Variants in ARHGEF40 observed in about 807,000 individuals in gnomAD.
The protein encoded by ARHGEF40 is Rho guanine nucleotide exchange factor 40.
ARHGEF40 carries 98 observed loss-of-function variants against 165.9 expected under a neutral mutation model. The observed-to-expected ratio is 0.59, with a 90% confidence interval of 0.50 to 0.70. ARHGEF40 has a LOEUF of 0.70. ARHGEF40 is among the 30% of genes least tolerant of loss of function. The pLI, the probability that ARHGEF40 is intolerant of heterozygous loss-of-function variation, is 0.00. For missense variants in ARHGEF40, 1,815 were observed against 1,968.0 expected, an observed-to-expected ratio of 0.92 and a Z score of 1.47; for synonymous variants, 792 against 814.3, an observed-to-expected ratio of 0.97 and a Z score of 0.47.
Position 21,076,870 on chromosome 14 carries a change from C to A in ARHGEF40, c.2014C>A (p.His672Asn). 1 of 1,613,170 alleles carries A rather than the reference C, an allele frequency of 6.2e-7. No homozygotes were observed. Among genetic ancestry groups the A allele is most frequent in the South Asian group, 1.1e-5 (1 of 90,950 alleles). Reference sequence around the variant, plus strand: ...AGGTCACAGGGACCCCTCTCCCAGTCACTGGGTAGAGATACACCAGGTAAG... The same window carrying A: ...AGGTCACAGGGACCCCTCTCCCAGTAACTGGGTAGAGATACACCAGGTAAG... ...LGGHRDPSPS[H>N]WVEIHQEVVR... The change falls in exon 8 of 24, where the codon CAC becomes AAC. Residue 672 changes from histidine (H) to asparagine (N), a missense_variant. Physicochemically the swap from His to Asn is moderately conservative, Grantham distance 68. Coordinates refer to ENST00000298694, the MANE Select transcript of ARHGEF40 (RefSeq NM_018071.5).
At position 21,073,083 on chromosome 14, in the gene ARHGEF40, C is replaced by T. The variant is rs1200596269; in HGVS notation, c.42C>T (p.Leu14=). 10 of 1,613,996 alleles carry T rather than the reference C, an allele frequency of 6.2e-6. No homozygotes were observed. Among genetic ancestry groups the T allele is most frequent in the Admixed American group, 3.3e-5 (2 of 60,010 alleles). The change falls in exon 2 of 24, where the codon CTC becomes CTT. Residue 14 remains leucine, a synonymous_variant. Transcript: ENST00000298694. The surrounding 1 kb of genome is among the most constrained non-coding windows in gnomAD (Gnocchi z 4.6). ...EPVEDCVQST[L]AALYPPFEAT... is the part of the protein sequence containing the mutation. ...TGGAGGACTGTGTGCAGAGCACTCT[C>T]GCCGCCCTGTATCCACCCTTTGAGG...
chr14:21,071,240 T>C (rs971138579), intron 1 of ARHGEF40, among the ~76,000 whole-genome samples: 5 of 151,770 alleles, frequency 3.3e-5, no homozygotes, highest in African/African-American at 1.2e-4. Context: ...CCAACAGGAG[T>C]GAACACTGCC....
Position 21,082,137 on chromosome 14 carries a change from C to A in ARHGEF40, c.3251+18C>A. The A allele has an allele frequency of 6.4e-7, 1 of 1,562,982 alleles. No individual in the cohort carries two copies. On this transcript the variant is annotated intron_variant, in intron 14 of 23. Coordinates refer to ENST00000298694, the MANE Select transcript of ARHGEF40 (RefSeq NM_018071.5). Reference sequence around the variant, plus strand: ...AGCATCAGGTGAGATCCCAGCCCAACTGGTGCTAAGAGGCGGAGCCAACTG... The same window carrying A: ...AGCATCAGGTGAGATCCCAGCCCAAATGGTGCTAAGAGGCGGAGCCAACTG...
At chr14:21,063,331 T>C in the ARHGEF40 span, among the ~76,000 whole-genome samples, 4 of 152,286 alleles carry the variant, frequency 2.6e-5, no homozygotes, top group South Asian at 6.2e-4. Context: ...TACAGATCTT[T>C]TGGGATTCCA....
chr14:21,084,278 C>T (rs1888169358), intron 17 of ARHGEF40, among the ~76,000 whole-genome samples: 1 of 152,190 alleles, frequency 6.6e-6, no homozygotes, highest in South Asian at 2.1e-4. Context: ...GTACATCTGC[C>T]TTGTACTCTC....
rs1887217769 is a variant in ARHGEF40 at position 21,074,337 on chromosome 14, C to G, written c.607C>G (p.Pro203Ala). Residue 203 changes from proline to alanine, a missense_variant, in exon 3 of 24, where the codon CCA becomes GCA. Physicochemically the swap from Pro to Ala is conservative, Grantham distance 27. Transcript: ENST00000298694. The surrounding 1 kb of genome is among the most constrained non-coding windows in gnomAD (Gnocchi z 4.8). Reference protein sequence around the residue: ...MVGHQPSTLPPELPSGPPGLP... With the variant: ...MVGHQPSTLPAELPSGPPGLP... ...TGGACATCAGCCAAGTACACTGCCC[C>G]CAGAACTGCCCTCTGGACCTCCAGG... 2 of 1,614,082 alleles carry G rather than the reference C, an allele frequency of 1.2e-6. No homozygotes were observed. Among genetic ancestry groups the G allele is most frequent in the Non-Finnish European group, 1.7e-6 (2 of 1,180,040 alleles).
At position 21,089,100 on chromosome 14, in the gene ARHGEF40, C is replaced by A; in HGVS notation, c.*92C>A. The A allele has an allele frequency of 2.0e-6, 1 of 494,994 alleles. No homozygotes were observed. 30.7% of individuals were successfully genotyped at this position (494,994 alleles called of 1,614,324 possible). On this transcript the variant is annotated 3_prime_UTR_variant, in exon 24 of 24. Coordinates refer to ENST00000298694, the MANE Select transcript of ARHGEF40 (RefSeq NM_018071.5). ...GGGGCATAATGGAGCCCTGGGCGAT[C>A]GCTGAATTTCTTCCCTCTGCTTCCT...
chr14:21,078,361 C>T lies in ARHGEF40; in HGVS notation c.2131-12C>T. On this transcript the variant is annotated splice_polypyrimidine_tract_variant and intron_variant, in intron 9 of 23. Coordinates refer to ENST00000298694, the MANE Select transcript of ARHGEF40 (RefSeq NM_018071.5). ...GGTGGAACCCCAACTGGCAACTCCTCCCTATCCCCAGGAGGCAGTGGGAAT... is the reference window on the plus strand; with the variant it reads ...GGTGGAACCCCAACTGGCAACTCCTTCCTATCCCCAGGAGGCAGTGGGAAT... 1 of 1,598,916 alleles carries T rather than the reference C, an allele frequency of 6.3e-7. No individual in the cohort carries two copies. The highest frequency in any genetic ancestry group is 8.5e-7 in the Non-Finnish European group (1 of 1,170,802).
In ARHGEF40 at chr14:21,080,225, CACACACACACACACACACACACA is replaced by C. The variant is rs1887775952; in HGVS notation, c.2374-434_2374-412del. 4.3e-4 allele frequency among the ~76,000 whole-genome samples: 60 copies of C among 138,066 alleles called. 1 individual carries two copies. Among genetic ancestry groups the C allele is most frequent in the Admixed American group, 4.2e-3 (59 of 14,126 alleles). 90.6% of individuals were successfully genotyped at this position (138,066 alleles called of 152,430 possible). A position where few individuals can be genotyped will look rare whatever the true frequency, so the allele number is the denominator to read the frequency against. The stretch of plus-strand genomic sequence containing the variant: ...ACACACACACACACACACACACACA[CACACACACACACACACACACACA>C]CCCCTTCTGTACTGTTTCTCCAGGC... On this transcript the variant is annotated intron_variant, in intron 11 of 23. Coordinates refer to ENST00000298694, the MANE Select transcript of ARHGEF40 (RefSeq NM_018071.5).
chr14:21,083,056 G>A (rs977112817), intron 16 of ARHGEF40, 139 bp downstream of exon 16: 18 of 772,164 alleles, frequency 2.3e-5, no homozygotes, highest in Non-Finnish European at 3.8e-5. Flanking sequence ...ATTGCCGAGG[G>A]TGGGACAAGC....
intron 21 of ARHGEF40, 158 bp from the exon 22 acceptor site, chr14:21,087,810 C>G (rs1241605684): frequency 1.0e-6 from 1 of 964,186 alleles, no homozygotes. Flanking sequence ...TGACAATTTC[C>G]TGCCTCTTGG....
chr14:21,082,197 A>G lies in ARHGEF40; in HGVS notation c.3252-47A>G, dbSNP rs140865774. 6.5e-4 allele frequency: 1,024 copies of G among 1,578,658 alleles called. 13 individuals are homozygous for G. In the African/African-American group the frequency reaches 0.012, roughly 19 times the overall value. ...AAAAGAAGATGACATTGTTGGGGGT[A>G]CTGGCTCCCTCCCACACCTCCTCTG... On this transcript the variant is annotated intron_variant, in intron 14 of 23. Transcript: ENST00000298694.
Position 21,072,962 on chromosome 14 carries a change from A to G in ARHGEF40, c.4-83A>G. 7.1e-7 allele frequency: 1 copy of G among 1,408,066 alleles called. No individual in the cohort carries two copies. The highest frequency in any genetic ancestry group is 2.3e-5 in the East Asian group (1 of 43,374). 87.2% of individuals were successfully genotyped at this position (1,408,066 alleles called of 1,614,324 possible). ...GTACAATCGGGGCTTTGGAGAACAC[A>G]GCCAACCCCAGACCAGTGCAGCTCC... On this transcript the variant is annotated intron_variant, in intron 1 of 23. Coordinates refer to ENST00000298694, the MANE Select transcript of ARHGEF40 (RefSeq NM_018071.5). The surrounding 1 kb of genome is among the most constrained non-coding windows in gnomAD (Gnocchi z 4.1).
Position 21,075,296 on chromosome 14 carries a change from A to G in ARHGEF40, c.1451-36A>G. 2.5e-6 allele frequency: 4 copies of G among 1,611,138 alleles called. No homozygotes were observed. The highest frequency in any genetic ancestry group is 3.4e-6 in the Non-Finnish European group (4 of 1,178,790). On this transcript the variant is annotated intron_variant, in intron 3 of 23. Coordinates refer to ENST00000298694, the MANE Select transcript of ARHGEF40 (RefSeq NM_018071.5). This position sits in a 1 kb window ranked among gnomAD's most constrained non-coding sequence, Gnocchi z 4.5. ...GGAGCAGAACAACCAGAACCATCTT[A>G]ACTTCAGTCCCATGTTTCTGTCTGT...
At chr14:21,088,945 TC>T (rs1888615109) in intron 23 of ARHGEF40, 68 bp from the exon 24 acceptor site, 3 of 1,510,592 alleles carry the variant, frequency 2.0e-6, no homozygotes, top group South Asian at 1.2e-5. Context: ...TTCCTTCCTG[TC>T]CCCGGCTACT....
In ARHGEF40 at chr14:21,072,831, C is replaced by T. The variant is rs542125104; in HGVS notation, c.4-214C>T. Reference sequence around the variant, plus strand: ...GATCTCCAAAGCCAAGGTCTCAGAGCGGGAGTGTTGAGCGCCCTGCCAGGT... The same window carrying T: ...GATCTCCAAAGCCAAGGTCTCAGAGTGGGAGTGTTGAGCGCCCTGCCAGGT... On this transcript the variant is annotated intron_variant, in intron 1 of 23. Coordinates refer to ENST00000298694, the MANE Select transcript of ARHGEF40 (RefSeq NM_018071.5). This position sits in a 1 kb window ranked among gnomAD's most constrained non-coding sequence, Gnocchi z 4.1. Among the ~76,000 whole-genome samples, 7 of 152,202 alleles carry T rather than the reference C, an allele frequency of 4.6e-5. No homozygotes were observed. The highest frequency in any genetic ancestry group is 2.6e-4 in the Admixed American group (4 of 15,290).
In ARHGEF40 at chr14:21,081,748, G is replaced by A. The variant is rs779411166; in HGVS notation, c.2880G>A (p.Ala960=). 9 of 1,581,710 alleles carry A rather than the reference G, an allele frequency of 5.7e-6. No homozygotes were observed. Among genetic ancestry groups the A allele is most frequent in the Middle Eastern group, 1.7e-4 (1 of 6,014 alleles). ...TCCAGCAACACGTGGGAGAGGAGGC[G>A]AGCCCACGGGGCTACCGACGACGGC... ...RRIQQHVGEE[A]SPRGYRRRRA... The change falls in exon 14 of 24, where the codon GCG becomes GCA. Residue 960 remains alanine, a synonymous_variant. Coordinates refer to ENST00000298694, the MANE Select transcript of ARHGEF40 (RefSeq NM_018071.5).
At chr14:21,069,039 C>T (rs188036936), upstream of ARHGEF40, among the ~76,000 whole-genome samples, 183 of 152,372 alleles carry the variant, frequency 1.2e-3, no homozygotes, top group African/African-American at 4.2e-3. Context: ...TGCAGGGGCA[C>T]ACGCGTTCAC....
At position 21,090,199 on chromosome 14, in the gene ARHGEF40, A is replaced by C; in HGVS notation, c.*1191A>C. On this transcript the variant is annotated 3_prime_UTR_variant, in exon 24 of 24. Coordinates refer to ENST00000298694, the MANE Select transcript of ARHGEF40 (RefSeq NM_018071.5). The surrounding 1 kb of genome is among the most constrained non-coding windows in gnomAD (Gnocchi z 4.4). The stretch of plus-strand genomic sequence containing the variant: ...GGGCTAGAAGGGTACAGTGCCCCCC[A>C]CCCTCACCCCTTGTACAAAAATAAA... The C allele has an allele frequency of 2.8e-5, 15 of 530,728 alleles. No individual in the cohort carries two copies. The highest frequency in any genetic ancestry group is 1.4e-4 in the East Asian group (3 of 21,076). The allele number at this position is 530,728 out of a possible 1,614,324, so 32.9% of individuals were successfully genotyped here.
Sources: gnomAD v4.1 joint callset for allele counts (sites outside exome capture counted in the v4.1 genomes callset) on GRCh38, gnomAD v4.1.1 for gene constraint, Gnocchi (gnomAD v3.1) non-coding constraint, MANE v1.5 for transcripts, NCBI Gene and HGNC (gene_info 2026-07-23, HGNC 2026-07-21) for gene names.